CAPG: variants seen among roughly 807,000 people sequenced by gnomAD.
CAPG encodes the protein macrophage-capping protein.
CAPG carries 32 observed loss-of-function variants against 44.6 expected under a neutral mutation model. The ratio of observed to expected loss-of-function variants is 0.72; its 90% CI spans 0.54 to 0.96. The LOEUF (loss-of-function observed/expected upper bound fraction) is 0.96, where lower values mean the gene tolerates loss of function less well. Among genes scored for constraint, CAPG ranks in the 50% least tolerant of loss-of-function variants. The pLI is 0.00. For missense variants in CAPG, 412 were observed against 438.3 expected (o/e 0.94, Z 0.54); for synonymous variants, 175 against 179.6 (o/e 0.97, Z 0.20).
intron 1 of CAPG, among the ~76,000 whole-genome samples, chr2:85,416,940 C>T (rs1036327503): frequency 1.3e-5 from 2 of 152,186 alleles, no homozygotes; most frequent in South Asian, 2.1e-4. Flanking sequence ...CCATATTTTC[C>T]GAATAAAGCT....
At chr2:85,412,074 A>G (rs1205824947), upstream of CAPG, among the ~76,000 whole-genome samples, 1 of 150,836 alleles carries the variant, frequency 6.6e-6, no homozygotes, top group Non-Finnish European at 1.5e-5. Context: ...AAAAAAAAAA[A>G]GCAATACTGG....
chr2:85,414,726 C>G (rs547921816), upstream of CAPG, among the ~76,000 whole-genome samples: 3 of 152,156 alleles, frequency 2.0e-5, no homozygotes, highest in African/African-American at 7.2e-5. Flanking sequence ...GCCACCGCAC[C>G]CAACTGCTGA....
downstream of CAPG, among the ~76,000 whole-genome samples, chr2:85,392,633 G>A (rs779776590): frequency 6.6e-6 from 1 of 152,232 alleles, no homozygotes; most frequent in Non-Finnish European, 1.5e-5. Context: ...GCTGTCAGCA[G>A]GATGCCTCAA....
chr2:85,417,520 T>C (rs1687588194), intron 1 of CAPG, among the ~76,000 whole-genome samples: 1 of 150,114 alleles, frequency 6.7e-6, no homozygotes, highest in South Asian at 2.1e-4. Flanking sequence ...TCTGGCTCTG[T>C]TGCCCAGGCT....
downstream of CAPG, among the ~76,000 whole-genome samples, chr2:85,394,288 C>T (rs1012633734): frequency 6.6e-5 from 10 of 152,244 alleles, no homozygotes; most frequent in African/African-American, 1.7e-4. Context: ...TGGTGCTTTT[C>T]GCACAGCCCT....
At chr2:85,394,256 C>T (rs919588247), downstream of CAPG, among the ~76,000 whole-genome samples, 1 of 152,258 alleles carries the variant, frequency 6.6e-6, no homozygotes, top group Non-Finnish European at 1.5e-5. Context: ...AAGAACCAGA[C>T]TGAAGACTGT....
intron 1 of CAPG, among the ~76,000 whole-genome samples, chr2:85,410,068 C>T (rs1280158068): frequency 6.6e-6 from 1 of 152,230 alleles, no homozygotes; most frequent in Non-Finnish European, 1.5e-5. Context: ...CACAGCCCAC[C>T]CATCCTCCCG....
At chr2:85,413,449 G>A (rs1225031987), upstream of CAPG, among the ~76,000 whole-genome samples, 2 of 152,158 alleles carry the variant, frequency 1.3e-5, no homozygotes, top group Non-Finnish European at 2.9e-5. Context: ...GCGTGGTGGC[G>A]GGCGCCTATA....
At chr2:85,399,741 T>C (rs1396609245) in intron 5 of CAPG, among the ~76,000 whole-genome samples, 2 of 78,074 alleles carry the variant, frequency 2.6e-5, no homozygotes, top group Non-Finnish European at 5.5e-5. Context: ...TTTCTTTTTC[T>C]TTTTTTTTTT....
rs1372128945 is a variant in CAPG at position 85,398,593 on chromosome 2, C to T, written c.759+97G>A. 3.9e-6 allele frequency: 4 copies of T among 1,023,480 alleles called. No homozygotes were observed. The African/African-American group carries it at 4.8e-5, about 12-fold the overall frequency. The allele number at this position is 1,023,480 out of a possible 1,614,324, so 63.4% of individuals were successfully genotyped here. On this transcript the variant is annotated intron_variant, in intron 7 of 9. Transcript: ENST00000263867. ...ACCTCGGTTCCAGCCCCACCTTCCC[C>T]CTGCCTTCTCCCCTCCACCCTGCTT... is the stretch of plus-strand genomic sequence containing the variant.
downstream of CAPG, chr2:85,391,773 C>T (rs1272544397): frequency 1.3e-5 from 2 of 152,556 alleles, no homozygotes; most frequent in Non-Finnish European, 1.5e-5. Flanking sequence ...TGTTTTTTTC[C>T]AAGACAAGTC....
chr2:85,391,971 C>T (rs957976659), downstream of CAPG, among the ~76,000 whole-genome samples: 2 of 152,210 alleles, frequency 1.3e-5, no homozygotes, highest in African/African-American at 2.4e-5. Context: ...CCAGAGACTC[C>T]TTGCAAGCTC....
rs544480133 is a variant in CAPG, at chr2:85,403,140, A to G, written c.-13-982T>C. Among the ~76,000 whole-genome samples, 70 of 152,314 alleles carry G rather than the reference A, an allele frequency of 4.6e-4. 2 individuals are homozygous for G. Among genetic ancestry groups the G allele is most frequent in the African/African-American group, 1.6e-3 (67 of 41,572 alleles). Reference sequence around the variant, plus strand: ...CTGATTAACAGAAAGAGAAAACACAAATATCAATACAGAAATGAGAGATGT... The same window carrying G: ...CTGATTAACAGAAAGAGAAAACACAGATATCAATACAGAAATGAGAGATGT... On this transcript the variant is annotated intron_variant, in intron 1 of 9. Transcript: ENST00000263867.
Position 85,399,120 on chromosome 2 carries a change from T to C in CAPG, c.666+16A>G, listed in dbSNP as rs973344559. The C allele has an allele frequency of 6.2e-7, 1 of 1,610,600 alleles. No homozygotes were observed. Among genetic ancestry groups the C allele is most frequent in the African/African-American group, 1.3e-5 (1 of 74,968 alleles). On this transcript the variant is annotated intron_variant, in intron 6 of 9. Transcript: ENST00000263867. ...CAAGCAGAGGCTCCCAGCCACCCAC[T>C]CCAATGTCCCCCAACCTGGATCATC...
At chr2:85,406,927 T>C (rs1234468801) in intron 1 of CAPG, among the ~76,000 whole-genome samples, 1 of 148,350 alleles carries the variant, frequency 6.7e-6, no homozygotes, top group Non-Finnish European at 1.5e-5. Flanking sequence ...TTCCTCTTAG[T>C]AATTTTCTTT....
intron 1 of CAPG, among the ~76,000 whole-genome samples, chr2:85,406,068 G>A (rs550650626): frequency 1.3e-5 from 2 of 151,840 alleles, no homozygotes; most frequent in Non-Finnish European, 2.9e-5. Flanking sequence ...TTGGGAGGCC[G>A]TGGTGAGCAG....
At chr2:85,418,309 C>A (rs559238736) in exon 1 of CAPG, 1 of 152,284 alleles carries the variant, frequency 6.6e-6, no homozygotes, top group South Asian at 2.1e-4. Context: ...ATCTCAGGGT[C>A]GGCAGAAAGT....
chr2:85,398,321 G>C (rs1489627174), intron 7 of CAPG, 169 bp from the exon 8 acceptor site: 2 of 724,816 alleles, frequency 2.8e-6, no homozygotes, highest in Non-Finnish European at 4.5e-6. Context: ...CAAATTCCAG[G>C]CAGCCCCACT....
At chr2:85,403,457 T>G (rs1028678182) in intron 1 of CAPG, among the ~76,000 whole-genome samples, 1 of 152,112 alleles carries the variant, frequency 6.6e-6, no homozygotes, top group Non-Finnish European at 1.5e-5. Context: ...ACACAAAATC[T>G]TCAAAAAAAG....
Sources: allele counts gnomAD v4.1 joint callset (sites outside exome capture counted in the v4.1 genomes callset), GRCh38; gene constraint gnomAD v4.1.1; transcripts MANE v1.5; gene names NCBI Gene and HGNC (gene_info 2026-07-23, HGNC 2026-07-21).